The following ADCY5 variants were observed in gnomAD, a reference collection of about 807,000 sequenced individuals.
The protein encoded by ADCY5 is adenylate cyclase 5.
ADCY5 carries 30 observed loss-of-function variants against 119.7 expected under a neutral mutation model. The ratio of observed to expected loss-of-function variants is 0.25; its 90% CI spans 0.19 to 0.34. The LOEUF (loss-of-function observed/expected upper bound fraction) is 0.34, where lower values mean the gene tolerates loss of function less well. Ranked by LOEUF, ADCY5 falls within the 10% of genes least tolerant of loss-of-function variation. ADCY5 has a pLI of 1.00. For missense variants in ADCY5, 1,324 were observed against 1,775.2 expected, an observed-to-expected ratio of 0.75 and a Z score of 4.57; for synonymous variants, 753 against 762.2, an observed-to-expected ratio of 0.99 and a Z score of 0.20.
chr3:123,293,565 G>T (rs1432430223), intron 17 of ADCY5, among the ~76,000 whole-genome samples: 6 of 151,658 alleles, frequency 4.0e-5, no homozygotes, highest in African/African-American at 1.5e-4. Flanking sequence ...GTGCATGTGT[G>T]TGCACACAGG....
chr3:123,448,198 G>C lies in ADCY5; in HGVS notation c.348C>G (p.Arg116=). 1 of 1,242,154 alleles carries C rather than the reference G, an allele frequency of 8.1e-7. No individual in the cohort carries two copies. The highest frequency in any genetic ancestry group is 1.0e-6 in the Non-Finnish European group (1 of 994,474). The allele number at this position is 1,242,154 out of a possible 1,614,324, so 76.9% of individuals were successfully genotyped here. Residue 116 remains arginine, a synonymous_variant, in exon 1 of 21, where the codon CGC becomes CGG. Transcript: ENST00000462833. ...CGCTGGCCGCGCCCCGCCGCTGCCGGCGGCTGCCGCGACCGCAGTCGTCGC... is the reference window on the plus strand; with the variant it reads ...CGCTGGCCGCGCCCCGCCGCTGCCGCCGGCTGCCGCGACCGCAGTCGTCGC... ...RGGDDCGRGS[R]RQRRGAASGG...
intron 1 of ADCY5, among the ~76,000 whole-genome samples, chr3:123,389,510 AC>A (rs1368298515): frequency 6.6e-6 from 1 of 151,552 alleles, no homozygotes; most frequent in Non-Finnish European, 1.5e-5. Flanking sequence ...AGAGCTAAGC[AC>A]CCCCACACCC....
At chr3:123,419,543 G>A (rs1290637387) in intron 1 of ADCY5, among the ~76,000 whole-genome samples, 4 of 152,128 alleles carry the variant, frequency 2.6e-5, no homozygotes, top group East Asian at 1.9e-4. Flanking sequence ...TTTACACTTC[G>A]GTTCTGTAGA....
At position 123,303,696 on chromosome 3, in the gene ADCY5, ACACCTGTAGTCC is replaced by A. The variant is rs1343496836; in HGVS notation, c.2559+359_2559+370del. ...AAAAATTAGCTGGGCGTGGTGGTGC[ACACCTGTAGTCC>A]CAGCTACTTGGGAGGCTGAGGCAGG... is the stretch of plus-strand genomic sequence containing the variant. On this transcript the variant is annotated intron_variant, in intron 13 of 20. Transcript: ENST00000462833. Among the ~76,000 whole-genome samples, 3 of 152,246 alleles carry A rather than the reference ACACCTGTAGTCC, an allele frequency of 2.0e-5. No homozygotes were observed. In the East Asian group the frequency reaches 5.8e-4, roughly 29 times the overall value.
intron 1 of ADCY5, among the ~76,000 whole-genome samples, chr3:123,387,229 T>C (rs1944254092): frequency 6.6e-6 from 1 of 152,232 alleles, no homozygotes; most frequent in African/African-American, 2.4e-5. Flanking sequence ...ATTCCAAGAA[T>C]AATCTGAAAA....
intron 1 of ADCY5, among the ~76,000 whole-genome samples, chr3:123,370,562 T>C (rs558202355): frequency 3.3e-5 from 5 of 152,338 alleles, no homozygotes; most frequent in Admixed American, 3.3e-4. Flanking sequence ...GCTTTGACCA[T>C]ATGAATGAGG....
Position 123,314,293 on chromosome 3 carries a change from G to A in ADCY5, c.2384C>T (p.Thr795Ile). Reference sequence around the variant, plus strand: ...CACCAAGGTCAGCAGCAGGGAACAGGTCAGGTAGAAGCTGAGCATGAATAT... The same window carrying A: ...CACCAAGGTCAGCAGCAGGGAACAGATCAGGTAGAAGCTGAGCATGAATAT... The part of the protein sequence containing the change: ...HSIFMLSFYL[T>I]CSLLLTLVVF... Residue 795 changes from threonine (T) to isoleucine (I), a missense_variant, in exon 12 of 21, where the codon ACC becomes ATC. Transcript: ENST00000462833. The A allele has an allele frequency of 1.2e-6, 2 of 1,613,740 alleles. No individual in the cohort carries two copies. The highest frequency in any genetic ancestry group is 1.7e-6 in the Non-Finnish European group (2 of 1,179,706).
At chr3:123,416,314 C>G (rs762503353) in intron 1 of ADCY5, 1 of 1,535,682 alleles carries the variant, frequency 6.5e-7, no homozygotes. Context: ...GGGCTAAAGG[C>G]AATAACCTCC....
At chr3:123,413,139 C>T (rs1945098469) in intron 1 of ADCY5, among the ~76,000 whole-genome samples, 1 of 152,188 alleles carries the variant, frequency 6.6e-6, no homozygotes. Context: ...GGAAACTCTG[C>T]CAGTTCGTGG....
At chr3:123,425,533 C>T (rs1355383713) in intron 1 of ADCY5, among the ~76,000 whole-genome samples, 1 of 152,218 alleles carries the variant, frequency 6.6e-6, no homozygotes, top group East Asian at 1.9e-4. Flanking sequence ...GAAGAAGCAG[C>T]TGTATGGCTT....
At chr3:123,383,950 C>T (rs1192304035) in intron 1 of ADCY5, among the ~76,000 whole-genome samples, 3 of 136,652 alleles carry the variant, frequency 2.2e-5, no homozygotes, top group Non-Finnish European at 4.6e-5. Flanking sequence ...CACCCTTCTG[C>T]AAGGCACGTG....
chr3:123,299,977 G>A (rs939052573), intron 15 of ADCY5, 143 bp downstream of exon 15: 132 of 911,658 alleles, frequency 1.4e-4, no homozygotes, highest in African/African-American at 1.4e-3. Flanking sequence ...AAACAAGGCC[G>A]TTTTCCAGAT....
At position 123,447,559 on chromosome 3, in the gene ADCY5, G is replaced by A. The variant is rs1315463818; in HGVS notation, c.987C>T (p.Ile329=). The A allele has an allele frequency of 1.2e-6, 2 of 1,609,238 alleles. No homozygotes were observed. The highest frequency in any genetic ancestry group is 1.1e-5 in the South Asian group (1 of 90,934). The change falls in exon 1 of 21, where the codon ATC becomes ATT. Residue 329 remains isoleucine, a synonymous_variant. Coordinates refer to ENST00000462833, the MANE Select transcript of ADCY5 (RefSeq NM_183357.3). The stretch of plus-strand genomic sequence containing the variant: ...TGTAGATGAAGAACACGGTCCACCA[G>A]ATGCCCTCAGAGGCGCTGCGTGGCT... ...LPQPRSASEG[I]WWTVFFIYTI... is the part of the protein sequence containing the mutation.
chr3:123,424,154 C>T (rs966935868), intron 1 of ADCY5, among the ~76,000 whole-genome samples: 4 of 152,226 alleles, frequency 2.6e-5, no homozygotes, highest in African/African-American at 4.8e-5. Context: ...TGCACACGCA[C>T]GTGGGACTGT....
chr3:123,352,166 G>A lies in ADCY5; in HGVS notation c.1284+266C>T, dbSNP rs1942858462. On this transcript the variant is annotated intron_variant, in intron 2 of 20. Coordinates refer to ENST00000462833, the MANE Select transcript of ADCY5 (RefSeq NM_183357.3). This position sits in a 1 kb window ranked among gnomAD's most constrained non-coding sequence, Gnocchi z 4.8. ...GTGGGGAGGGAGAGAGGGACCCTCT[G>A]GCTGCTGGGCTTGTTTGCAAACCAC... 6.6e-6 allele frequency among the ~76,000 whole-genome samples: 1 copy of A among 152,104 alleles called. No individual in the cohort carries two copies. Among genetic ancestry groups the A allele is most frequent in the Admixed American group, 6.5e-5 (1 of 15,268 alleles).
intron 1 of ADCY5, among the ~76,000 whole-genome samples, chr3:123,361,969 A>G (rs1405044164): frequency 6.6e-6 from 1 of 152,222 alleles, no homozygotes; most frequent in Admixed American, 6.5e-5. Flanking sequence ...AAATTTTCAG[A>G]TTCAGGATGC....
chr3:123,333,481 G>T (rs985566127), intron 3 of ADCY5, among the ~76,000 whole-genome samples: 1 of 152,256 alleles, frequency 6.6e-6, no homozygotes, highest in Non-Finnish European at 1.5e-5. Context: ...AGTGCTGGGG[G>T]CTCCACGCGG....
Position 123,448,671 on chromosome 3 carries a change from C to T in ADCY5, c.-126G>A. On this transcript the variant is annotated 5_prime_UTR_variant, in exon 1 of 21. Coordinates refer to ENST00000462833, the MANE Select transcript of ADCY5 (RefSeq NM_183357.3). ...TCACACGTCGGGGGCGGCCCGGGGC[C>T]CTGCGCTGCAGCGGGGCATCTTGGC... 1.1e-6 allele frequency: 1 copy of T among 876,366 alleles called. No homozygotes were observed. The highest frequency in any genetic ancestry group is 1.5e-6 in the Non-Finnish European group (1 of 662,908). The allele number at this position is 876,366 out of a possible 1,614,324, so 54.3% of individuals were successfully genotyped here. A position where few individuals can be genotyped will look rare whatever the true frequency, so the allele number is the denominator to read the frequency against.
At chr3:123,319,899 C>G in intron 9 of ADCY5, 81 bp from the exon 10 acceptor site, 1 of 1,554,030 alleles carries the variant, frequency 6.4e-7, no homozygotes, top group Non-Finnish European at 8.8e-7. Context: ...ACCATCCCCC[C>G]AGACTCTCGG....
Sources: gnomAD v4.1 joint callset for allele counts (sites outside exome capture counted in the v4.1 genomes callset) on GRCh38, gnomAD v4.1.1 for gene constraint, Gnocchi (gnomAD v3.1) non-coding constraint, MANE v1.5 for transcripts, NCBI Gene and HGNC (gene_info 2026-07-23, HGNC 2026-07-21) for gene names.